Variants in RANBP2 observed in about 807,000 individuals in gnomAD.
The protein encoded by RANBP2 is RAN binding protein 2, also known as E3 SUMO-protein ligase RanBP2.
RANBP2 carries 57 observed loss-of-function variants against 303.6 expected under a neutral mutation model. The ratio of observed to expected loss-of-function variants is 0.19; its 90% CI spans 0.15 to 0.23. The LOEUF (loss-of-function observed/expected upper bound fraction) is 0.23, where lower values mean the gene tolerates loss of function less well. Among genes scored for constraint, RANBP2 ranks in the 10% least tolerant of loss-of-function variants. RANBP2 has a pLI of 1.00. For synonymous variants in RANBP2, 1,167 were observed against 1,301.5 expected (o/e 0.90, Z 2.23); for missense variants, 3,138 against 3,780.8 (o/e 0.83, Z 4.46).
At chr2:109,511,362 A>G in the RANBP2 span, among the ~76,000 whole-genome samples, 1 of 152,216 alleles carries the variant, frequency 6.6e-6, no homozygotes, top group Non-Finnish European at 1.5e-5. Flanking sequence ...GTGGCCCAGT[A>G]TACCACATGC....
chr2:109,702,619 CAGAG>C, the RANBP2 span, among the ~76,000 whole-genome samples: 5 of 152,298 alleles, frequency 3.3e-5, no homozygotes, highest in Admixed American at 6.5e-5. Flanking sequence ...CCCTTGTACT[CAGAG>C]AGAATTTATT....
chr2:109,693,925 C>A, the RANBP2 span, among the ~76,000 whole-genome samples: 1 of 152,160 alleles, frequency 6.6e-6, no homozygotes, highest in African/African-American at 2.4e-5. Context: ...TATTCAGGGT[C>A]CACAGCAGGG....
At chr2:109,524,333 G>A in the RANBP2 span, among the ~76,000 whole-genome samples, 1 of 151,968 alleles carries the variant, frequency 6.6e-6, no homozygotes, top group East Asian at 1.9e-4. Flanking sequence ...TCATGACATG[G>A]GGATTTGAAT....
the RANBP2 span, among the ~76,000 whole-genome samples, chr2:108,842,939 T>C: frequency 6.6e-6 from 1 of 152,210 alleles, no homozygotes; most frequent in Non-Finnish European, 1.5e-5. Context: ...CCTTAACCTT[T>C]TCTGTATACG....
chr2:108,821,500 ATACT>A, the RANBP2 span, among the ~76,000 whole-genome samples: 11 of 152,360 alleles, frequency 7.2e-5, no homozygotes, highest in Admixed American at 2.0e-4. Flanking sequence ...TGCAAAGAAA[ATACT>A]TACAGAATAT....
At chr2:109,551,891 T>C in the RANBP2 span, among the ~76,000 whole-genome samples, 3 of 152,176 alleles carry the variant, frequency 2.0e-5, no homozygotes, top group Non-Finnish European at 4.4e-5. Flanking sequence ...AGAAGTTCAG[T>C]GATTTTTTTG....
the RANBP2 span, among the ~76,000 whole-genome samples, chr2:109,002,402 G>T: frequency 6.6e-6 from 1 of 152,172 alleles, no homozygotes; most frequent in African/African-American, 2.4e-5. Context: ...TTGAACCACT[G>T]CTTTGGCTTC....
the RANBP2 span, among the ~76,000 whole-genome samples, chr2:109,108,934 C>T: frequency 1.4e-5 from 2 of 143,852 alleles, no homozygotes; most frequent in African/African-American, 4.9e-5. Context: ...CAAGTTCAGT[C>T]CCTCTGTGTC....
chr2:108,773,242 C>T (rs1057307431), intron 23 of RANBP2, among the ~76,000 whole-genome samples, 196 bp downstream of exon 23: 4 of 152,056 alleles, frequency 2.6e-5, no homozygotes, highest in Admixed American at 1.3e-4. Flanking sequence ...CTCAGCCTCC[C>T]GAGTAGTTGG....
the RANBP2 span, chr2:109,129,915 C>T: frequency 6.7e-7 from 1 of 1,502,418 alleles, no homozygotes; most frequent in East Asian, 2.7e-5. Context: ...GTCAGCGGCC[C>T]CGCGCGGGCA....
chr2:109,158,078 A>G, the RANBP2 span, among the ~76,000 whole-genome samples: 4 of 152,146 alleles, frequency 2.6e-5, no homozygotes, highest in Non-Finnish European at 2.9e-5. Flanking sequence ...CTGGACTCCC[A>G]TTTTACAGAC....
the RANBP2 span, among the ~76,000 whole-genome samples, chr2:108,845,213 A>G: frequency 6.6e-6 from 1 of 152,186 alleles, no homozygotes; most frequent in South Asian, 2.1e-4. Flanking sequence ...GTTTAAAAAC[A>G]TGTATTTTTT....
At chr2:109,183,638 C>T in the RANBP2 span, among the ~76,000 whole-genome samples, 75 of 152,216 alleles carry the variant, frequency 4.9e-4, no homozygotes, top group Admixed American at 1.9e-3. Flanking sequence ...TTATCCTGCC[C>T]GTCCACTCAC....
the RANBP2 span, among the ~76,000 whole-genome samples, chr2:109,296,609 T>A: frequency 6.6e-6 from 1 of 152,174 alleles, no homozygotes; most frequent in Admixed American, 6.5e-5. Flanking sequence ...ACCTGTGGCT[T>A]CTCAGGGACT....
the RANBP2 span, among the ~76,000 whole-genome samples, chr2:108,877,439 C>T: frequency 6.6e-6 from 1 of 152,066 alleles, no homozygotes; most frequent in Non-Finnish European, 1.5e-5. Context: ...GCACTCCAGC[C>T]TGGGCAACAA....
At chr2:108,742,145 C>CAT (rs1558890164) in intron 7 of RANBP2, among the ~76,000 whole-genome samples, 3 of 151,374 alleles carry the variant, frequency 2.0e-5, no homozygotes, top group South Asian at 2.1e-4. Flanking sequence ...TACAGGCATG[C>CAT]GCCACCACGC....
the RANBP2 span, among the ~76,000 whole-genome samples, chr2:109,584,279 C>G: frequency 7.7e-6 from 1 of 129,920 alleles, no homozygotes; most frequent in Non-Finnish European, 1.6e-5. Flanking sequence ...GAGGTCGAGA[C>G]CAGCCTGGCC....
chr2:108,728,594 TTATGATG>T (rs1006004869), intron 1 of RANBP2, among the ~76,000 whole-genome samples: 2 of 100,130 alleles, frequency 2.0e-5, no homozygotes, highest in Non-Finnish European at 4.4e-5. Flanking sequence ...CCCAGCTTAT[TTATGATG>T]ATGATGATGA....
chr2:109,601,837 T>C, the RANBP2 span, among the ~76,000 whole-genome samples: 2 of 152,116 alleles, frequency 1.3e-5, no homozygotes, highest in African/African-American at 2.4e-5. Flanking sequence ...CTCTACAAGT[T>C]ACTTTCTAGC....
Sources: allele counts gnomAD v4.1 joint callset (sites outside exome capture counted in the v4.1 genomes callset), GRCh38; gene constraint gnomAD v4.1.1; transcripts MANE v1.5; gene names NCBI Gene and HGNC (gene_info 2026-07-23, HGNC 2026-07-21).